Variants in ATG7 observed in about 807,000 individuals in gnomAD.
ATG7 encodes the protein ubiquitin-like modifier-activating enzyme ATG7.
Under a neutral mutation model 82.4 loss-of-function variants are expected in ATG7, and 70 were observed. The ratio of observed to expected loss-of-function variants is 0.85; its 90% confidence interval spans 0.70 to 1.04. The LOEUF is 1.04. ATG7 is among the 50% of genes least tolerant of loss of function. ATG7 has a pLI of 0.00. For synonymous variants in ATG7, 287 were observed against 313.0 expected (o/e 0.92, Z 0.88); for missense variants, 792 against 864.3 (o/e 0.92, Z 1.05).
At chr3:11,280,434 T>G (rs1942845448) in intron 1 of ATG7, among the ~76,000 whole-genome samples, 1 of 152,212 alleles carries the variant, frequency 6.6e-6, no homozygotes, top group African/African-American at 2.4e-5. Flanking sequence ...CAAGGTGGTG[T>G]GGCTAGAAAG....
intron 1 of ATG7, among the ~76,000 whole-genome samples, chr3:11,273,969 C>T (rs1303434059): frequency 6.6e-6 from 1 of 152,158 alleles, no homozygotes; most frequent in Non-Finnish European, 1.5e-5. Flanking sequence ...TGCTAAACTG[C>T]TTTCCCATCC....
rs946348470 is a variant in ATG7, at chr3:11,317,843, G to A, written c.678+2350G>A. Among the ~76,000 whole-genome samples the A allele has an allele frequency of 3.3e-5, 5 of 151,940 alleles. 1 individual carries two copies. The highest frequency in any genetic ancestry group is 9.7e-5 in the African/African-American group (4 of 41,356). The stretch of plus-strand genomic sequence containing the variant: ...CCTGACCTCGTGATCCTCCCGCCTC[G>A]CCCTCCCAAAGTGCTGGGATTACAG... On this transcript the variant is annotated intron_variant, in intron 9 of 20. Transcript: ENST00000693202.
At chr3:11,344,579 C>G (rs1954197474) in intron 13 of ATG7, among the ~76,000 whole-genome samples, 1 of 152,104 alleles carries the variant, frequency 6.6e-6, no homozygotes, top group African/African-American at 2.4e-5. Flanking sequence ...TTAAATGTTA[C>G]ATTTTGGCCG....
At chr3:11,406,258 G>A (rs1410228113) in intron 19 of ATG7, among the ~76,000 whole-genome samples, 1 of 152,048 alleles carries the variant, frequency 6.6e-6, no homozygotes, top group Admixed American at 6.6e-5. Flanking sequence ...TCAAAGTGCT[G>A]GGATCACAGG....
chr3:11,284,663 T>C (rs1263934962), intron 3 of ATG7, among the ~76,000 whole-genome samples: 1 of 152,018 alleles, frequency 6.6e-6, no homozygotes, highest in African/African-American at 2.4e-5. Flanking sequence ...GCGATCCTCC[T>C]GTCTCAGCCT....
Position 11,470,008 on chromosome 3 carries a change from A to AAAAAAAAAG in ATG7, c.2079+43083_2079+43084insAAAAAAAGA, listed in dbSNP as rs1399975005. 2.1e-3 allele frequency among the ~76,000 whole-genome samples: 291 copies of AAAAAAAAAG among 141,050 alleles called. 4 individuals carry two copies. The highest frequency in any genetic ancestry group is 7.5e-3 in the African/African-American group (280 of 37,344). 92.5% of individuals were successfully genotyped at this position (141,050 alleles called of 152,430 possible). On this transcript the variant is annotated intron_variant, in intron 20 of 20. Coordinates refer to ENST00000693202, the MANE Select transcript of ATG7 (RefSeq NM_001349232.2). ...CATCTCAAAAAAAAAAAAAAAAAAA[A>AAAAAAAAAG]AGAGAGAGAGAGATGGTGTACTGGG...
intron 19 of ATG7, among the ~76,000 whole-genome samples, chr3:11,425,967 A>G (rs1161332333): frequency 6.6e-6 from 1 of 152,194 alleles, no homozygotes; most frequent in East Asian, 1.9e-4. Flanking sequence ...TCACTGATAT[A>G]TAGTATTCCA....
chr3:11,432,165 A>G (rs1434027860), intron 20 of ATG7, among the ~76,000 whole-genome samples: 1 of 152,146 alleles, frequency 6.6e-6, no homozygotes, highest in African/African-American at 2.4e-5. Context: ...ACTTTGAGGT[A>G]ATGGGATAAG....
At chr3:11,473,978 A>G (rs952104105) in intron 20 of ATG7, among the ~76,000 whole-genome samples, 9 of 152,106 alleles carry the variant, frequency 5.9e-5, no homozygotes, top group Admixed American at 4.6e-4. Context: ...ACATTTACCA[A>G]CTCTTCATTA....
At chr3:11,462,266 T>G (rs2086383359) in intron 20 of ATG7, among the ~76,000 whole-genome samples, 1 of 151,918 alleles carries the variant, frequency 6.6e-6, no homozygotes, top group Non-Finnish European at 1.5e-5. Context: ...AAGGGCTGTT[T>G]TATGTTCTTT....
chr3:11,382,277 C>T (rs2077961290), intron 19 of ATG7, among the ~76,000 whole-genome samples: 2 of 152,100 alleles, frequency 1.3e-5, no homozygotes, highest in African/African-American at 4.8e-5. Context: ...ATTATATACA[C>T]ATATATATAG....
intron 19 of ATG7, among the ~76,000 whole-genome samples, chr3:11,412,280 G>A (rs7642031): frequency 0.87 from 129,732 of 149,266 alleles, 56,635 homozygotes; most frequent in East Asian, 1. Context: ...TTTTTTTTTA[G>A]TAGGCCTGAA....
intron 18 of ATG7, among the ~76,000 whole-genome samples, chr3:11,375,212 C>G (rs890881093): frequency 6.6e-6 from 1 of 151,980 alleles, no homozygotes; most frequent in African/African-American, 2.4e-5. Context: ...TCTATCAAAA[C>G]AAACAAATGA....
At chr3:11,331,282 CTG>C (rs1951605507) in intron 9 of ATG7, 56 bp from the exon 10 acceptor site, 1 of 1,324,028 alleles carries the variant, frequency 7.6e-7, no homozygotes, top group Non-Finnish European at 1.1e-6. Context: ...TGAGCAATGT[CTG>C]TATTGTGAAG....
chr3:11,390,546 C>T (rs1553640005), intron 19 of ATG7, among the ~76,000 whole-genome samples: 1 of 152,192 alleles, frequency 6.6e-6, no homozygotes, highest in Non-Finnish European at 1.5e-5. Context: ...CTGGAGGAGA[C>T]TGTATGTTTC....
chr3:11,302,348 C>A (rs996381983), intron 5 of ATG7, among the ~76,000 whole-genome samples: 6 of 152,178 alleles, frequency 3.9e-5, no homozygotes, highest in Admixed American at 3.9e-4. Flanking sequence ...AATGAAAGTG[C>A]TTGGGACTTC....
rs143602986 is a variant in ATG7 at position 11,291,434 on chromosome 3, A to G, written c.-10-7252A>G. On this transcript the variant is annotated intron_variant, in intron 3 of 20. Transcript: ENST00000693202. ...GGCAGTGTAATATAGTGACGAGAAC[A>G]GGGGCTTTGAAGCTAGCAGACCCGG... 1.8e-3 allele frequency among the ~76,000 whole-genome samples: 276 copies of G among 152,328 alleles called. 7 individuals are homozygous for G. The highest frequency in any genetic ancestry group is 0.013 in the Admixed American group (198 of 15,294).
At chr3:11,569,844 G>A in the ATG7 span, among the ~76,000 whole-genome samples, 1 of 152,160 alleles carries the variant, frequency 6.6e-6, no homozygotes, top group East Asian at 1.9e-4. Context: ...TCACGCCACT[G>A]CACTTTAGCC....
intron 18 of ATG7, among the ~76,000 whole-genome samples, chr3:11,371,981 AACCATATAAAGCGAGGCCAAACG>A (rs2077028865): frequency 6.6e-6 from 1 of 151,370 alleles, no homozygotes; most frequent in African/African-American, 2.4e-5. Flanking sequence ...GAGGCCAAAC[AACCATATAAAGCGAGGCCAAACG>A]ACCTATTCTG....
Sources: gnomAD v4.1 joint callset for allele counts (sites outside exome capture counted in the v4.1 genomes callset) on GRCh38, gnomAD v4.1.1 for gene constraint, MANE v1.5 for transcripts, NCBI Gene and HGNC (gene_info 2026-07-23, HGNC 2026-07-21) for gene names.